Variants in NR2C2 observed in about 807,000 individuals in gnomAD.
The protein encoded by NR2C2 is nuclear receptor subfamily 2 group C member 2.
A neutral mutation model predicts 62.9 loss-of-function variants in NR2C2; 6 were observed. The ratio of observed to expected loss-of-function variants is 0.10; its 90% CI spans 0.05 to 0.19. The LOEUF (loss-of-function observed/expected upper bound fraction) is 0.19. Among genes scored for constraint, NR2C2 ranks in the 10% least tolerant of loss-of-function variants. The pLI, the probability that NR2C2 is intolerant of heterozygous loss-of-function variation, is 1.00. For missense variants in NR2C2, 479 were observed against 762.7 expected, an observed-to-expected ratio of 0.63 and a Z score of 4.38; for synonymous variants, 272 against 273.8, an observed-to-expected ratio of 0.99 and a Z score of 0.07.
At chr3:15,003,436 A>G (rs1480461245) in intron 1 of NR2C2, among the ~76,000 whole-genome samples, 1 of 152,128 alleles carries the variant, frequency 6.6e-6, no homozygotes, top group African/African-American at 2.4e-5. Context: ...TATAAGTACT[A>G]ATCCCAGTAG....
chr3:14,961,432 T>G (rs2039684433), intron 1 of NR2C2, among the ~76,000 whole-genome samples: 1 of 152,210 alleles, frequency 6.6e-6, no homozygotes, highest in Admixed American at 6.5e-5. Flanking sequence ...TATTGCACAC[T>G]CAATAATACT....
chr3:14,952,690 T>C (rs564399193), intron 1 of NR2C2, among the ~76,000 whole-genome samples: 13 of 152,372 alleles, frequency 8.5e-5, no homozygotes, highest in South Asian at 4.1e-4. Context: ...GTAAAAGATA[T>C]GTTCTTCCTT....
At chr3:14,996,766 G>A (rs1403535059) in intron 1 of NR2C2, among the ~76,000 whole-genome samples, 2 of 152,128 alleles carry the variant, frequency 1.3e-5, no homozygotes, top group African/African-American at 4.8e-5. Context: ...GTTTCACCGT[G>A]TTAGCCAGGA....
chr3:14,985,859 A>G (rs925587962), intron 1 of NR2C2, among the ~76,000 whole-genome samples: 2 of 152,184 alleles, frequency 1.3e-5, no homozygotes, highest in Non-Finnish European at 1.5e-5. Context: ...CCTTGGGCTC[A>G]TATGTGGGAG....
At chr3:15,012,416 G>C (rs1436376004) in intron 2 of NR2C2, among the ~76,000 whole-genome samples, 1 of 152,122 alleles carries the variant, frequency 6.6e-6, no homozygotes, top group Non-Finnish European at 1.5e-5. Context: ...AGTAGAGACA[G>C]GGTTTCGCCA....
In NR2C2 at chr3:15,046,662, C is replaced by T. The variant is rs563140882; in HGVS notation, c.*3654C>T. On this transcript the variant is annotated 3_prime_UTR_variant, in exon 14 of 14. Transcript: ENST00000425241. ...GTTGCCCACTTTCCAGTGTAAATGA[C>T]TTTATGTGCAATGGGGTCATAGGTA... is the stretch of plus-strand genomic sequence containing the variant. 3 of 152,464 alleles carry T rather than the reference C, an allele frequency of 2.0e-5. No homozygotes were observed. Among genetic ancestry groups the T allele is most frequent in the Non-Finnish European group, 4.4e-5 (3 of 68,044 alleles). The allele number at this position is 152,464 out of a possible 1,614,324, so 9.4% of individuals were successfully genotyped here.
chr3:15,012,933 C>A (rs924376018), intron 2 of NR2C2, among the ~76,000 whole-genome samples: 1 of 152,222 alleles, frequency 6.6e-6, no homozygotes, highest in Non-Finnish European at 1.5e-5. Flanking sequence ...TCTCCAGAGT[C>A]AGTGCCCACT....
intron 10 of NR2C2, 170 bp from the exon 11 acceptor site, chr3:15,034,500 C>T: frequency 1.7e-6 from 1 of 573,334 alleles, no homozygotes. Flanking sequence ...CATTCATAGA[C>T]TTATTCATAG....
intron 1 of NR2C2, among the ~76,000 whole-genome samples, chr3:15,002,646 T>C (rs1381501096): frequency 2.9e-4 from 9 of 31,464 alleles, no homozygotes; most frequent in East Asian, 1.9e-3. Context: ...CACAATATAC[T>C]TTTTTTTTTT....
chr3:15,033,452 G>C (rs1013869117), intron 10 of NR2C2, among the ~76,000 whole-genome samples: 1 of 152,136 alleles, frequency 6.6e-6, no homozygotes, highest in African/African-American at 2.4e-5. Flanking sequence ...TGTGGGATGT[G>C]TCCTGAGTAG....
chr3:15,003,080 G>C (rs1406599528), intron 1 of NR2C2, among the ~76,000 whole-genome samples: 4 of 151,464 alleles, frequency 2.6e-5, no homozygotes, highest in Non-Finnish European at 4.4e-5. Flanking sequence ...CGAGTAGCTG[G>C]GATTACAGGT....
At chr3:15,006,806 G>T (rs553459500) in intron 2 of NR2C2, among the ~76,000 whole-genome samples, 2 of 144,288 alleles carry the variant, frequency 1.4e-5, no homozygotes, top group Non-Finnish European at 3.0e-5. Flanking sequence ...AAGGCATTTC[G>T]CTCTTGTCGC....
intron 11 of NR2C2, among the ~76,000 whole-genome samples, chr3:15,037,723 C>T (rs1000360841): frequency 2.0e-5 from 3 of 152,202 alleles, no homozygotes; most frequent in Non-Finnish European, 2.9e-5. Context: ...AAGAAATTCA[C>T]AATGTACACC....
intron 7 of NR2C2, chr3:15,025,448 C>G (rs1263123645): frequency 2.6e-5 from 4 of 152,180 alleles, no homozygotes; most frequent in African/African-American, 9.7e-5. Flanking sequence ...GACCACAAAG[C>G]TGTATGGTAT....
intron 1 of NR2C2, among the ~76,000 whole-genome samples, chr3:14,958,775 A>C (rs2125237656): frequency 6.6e-6 from 1 of 152,330 alleles, no homozygotes; most frequent in South Asian, 2.1e-4. Flanking sequence ...CAGGAGATCC[A>C]GACCATCCTG....
intron 2 of NR2C2, among the ~76,000 whole-genome samples, chr3:15,012,993 G>T (rs1418652262): frequency 6.6e-6 from 1 of 152,130 alleles, no homozygotes; most frequent in Non-Finnish European, 1.5e-5. Context: ...TATGTGGCAG[G>T]CCTTGTGCTG....
chr3:15,000,416 A>G (rs751662528), intron 1 of NR2C2, among the ~76,000 whole-genome samples: 5 of 152,118 alleles, frequency 3.3e-5, no homozygotes, highest in South Asian at 2.1e-4. Flanking sequence ...TCATTCATCT[A>G]TTGATGGACT....
chr3:15,004,456 G>A (rs2041109713), intron 2 of NR2C2: 2 of 1,196,782 alleles, frequency 1.7e-6, no homozygotes, highest in South Asian at 3.7e-5. Context: ...AATGGTACCT[G>A]GCACATAATA....
At chr3:15,000,971 C>T (rs988058314) in intron 1 of NR2C2, among the ~76,000 whole-genome samples, 3 of 151,584 alleles carry the variant, frequency 2.0e-5, no homozygotes, top group East Asian at 3.9e-4. Context: ...CCCGTCACCA[C>T]GCCCGGCTAA....
Sources: allele counts gnomAD v4.1 joint callset (sites outside exome capture counted in the v4.1 genomes callset), GRCh38; gene constraint gnomAD v4.1.1; transcripts MANE v1.5; gene names NCBI Gene and HGNC (gene_info 2026-07-23, HGNC 2026-07-21).